MARCHF7: variants seen among roughly 807,000 people sequenced by gnomAD.
MARCHF7 encodes the protein membrane associated ring-CH-type finger 7.
In MARCHF7, 20 loss-of-function variants were observed where a neutral mutation model predicts 76.5. That is an observed-to-expected ratio of 0.26 (90% CI 0.18 to 0.38). The LOEUF is 0.38. Among genes scored for constraint, MARCHF7 ranks in the 10% least tolerant of loss-of-function variants. The pLI, the probability that MARCHF7 is intolerant of heterozygous loss-of-function variation, is 1.00. For missense variants in MARCHF7, 797 were observed against 812.9 expected (o/e 0.98, Z 0.24); for synonymous variants, 295 against 293.0 (o/e 1.01, Z -0.07).
At chr2:159,714,143 C>T (rs1700727276) in intron 1 of MARCHF7, among the ~76,000 whole-genome samples, 1 of 152,220 alleles carries the variant, frequency 6.6e-6, no homozygotes, top group Non-Finnish European at 1.5e-5. Flanking sequence ...GCTCCATACC[C>T]ACCTTACACA....
chr2:159,731,441 ATGT>A (rs971201004), intron 4 of MARCHF7, among the ~76,000 whole-genome samples: 7 of 151,992 alleles, frequency 4.6e-5, no homozygotes, highest in Non-Finnish European at 8.8e-5. Flanking sequence ...TAACTTGTTA[ATGT>A]TGTAGATTAT....
chr2:159,745,543 A>G (rs1704752782), intron 5 of MARCHF7, among the ~76,000 whole-genome samples: 1 of 152,048 alleles, frequency 6.6e-6, no homozygotes, highest in Non-Finnish European at 1.5e-5. Flanking sequence ...GTAGTCCCAG[A>G]TATTCAGGAG....
At chr2:159,724,085 G>C (rs528989776) in intron 3 of MARCHF7, among the ~76,000 whole-genome samples, 5 of 152,178 alleles carry the variant, frequency 3.3e-5, no homozygotes, top group Admixed American at 3.3e-4. Context: ...AGTGTTTTTG[G>C]TCGTTGTGTT....
At chr2:159,761,365 A>C (rs1401323842) in intron 9 of MARCHF7, among the ~76,000 whole-genome samples, 1 of 148,564 alleles carries the variant, frequency 6.7e-6, no homozygotes, top group Non-Finnish European at 1.5e-5. Context: ...ATATTATTTC[A>C]AGTTAAAAAT....
chr2:159,734,296 G>A (rs750952607), intron 4 of MARCHF7, among the ~76,000 whole-genome samples: 1 of 149,600 alleles, frequency 6.7e-6, no homozygotes, highest in African/African-American at 2.5e-5. Context: ...TTATAAGGTT[G>A]TAGGGGCTTT....
At chr2:159,713,079 G>T (rs1217373780) in intron 1 of MARCHF7, among the ~76,000 whole-genome samples, 2 of 152,216 alleles carry the variant, frequency 1.3e-5, no homozygotes, top group South Asian at 2.1e-4. Context: ...GGCTCGGCCA[G>T]CCCGGCCTCG....
At chr2:159,718,909 T>C (rs1341806736) in intron 3 of MARCHF7, among the ~76,000 whole-genome samples, 1 of 152,172 alleles carries the variant, frequency 6.6e-6, no homozygotes, top group Non-Finnish European at 1.5e-5. Context: ...TGTATGTAAC[T>C]GAAAAATATA....
chr2:159,739,473 G>A (rs886575758), intron 4 of MARCHF7, among the ~76,000 whole-genome samples: 1 of 152,282 alleles, frequency 6.6e-6, no homozygotes, highest in Middle Eastern at 3.4e-3. Flanking sequence ...GTTCATAACG[G>A]CATTGTTTAT....
At chr2:159,723,372 AATT>A (rs1193666736) in intron 3 of MARCHF7, among the ~76,000 whole-genome samples, 1 of 152,208 alleles carries the variant, frequency 6.6e-6, no homozygotes. Context: ...TACTATTAAT[AATT>A]ATTCTGGGAT....
At chr2:159,751,974 G>C (rs1012510641) in intron 7 of MARCHF7, among the ~76,000 whole-genome samples, 2 of 152,120 alleles carry the variant, frequency 1.3e-5, no homozygotes, top group Non-Finnish European at 2.9e-5. Context: ...GGGGAGGCAA[G>C]GGGCAAAAGT....
intron 3 of MARCHF7, 91 bp from the exon 4 acceptor site, chr2:159,728,918 T>A: frequency 2.8e-6 from 2 of 711,980 alleles, no homozygotes; most frequent in Non-Finnish European, 4.2e-6. Context: ...GTATGGTTAA[T>A]TTTTTATTTG....
At chr2:159,764,212 TTGTG>T (rs377705664) in intron 10 of MARCHF7, among the ~76,000 whole-genome samples, 10,415 of 138,480 alleles carry the variant, frequency 0.075, 424 homozygotes, top group Middle Eastern at 0.14. Context: ...CTTGGGAGTT[TTGTG>T]TGTGTGTGTG....
chr2:159,754,445 AT>A (rs1436763367), intron 8 of MARCHF7, among the ~76,000 whole-genome samples: 7 of 152,154 alleles, frequency 4.6e-5, no homozygotes. Context: ...CCTAAGCCTG[AT>A]TAGATTAGAC....
In MARCHF7 at chr2:159,748,657, G is replaced by T; in HGVS notation, c.1367G>T (p.Ser456Ile). The T allele has an allele frequency of 6.2e-7, 1 of 1,614,226 alleles. No homozygotes were observed. The highest frequency in any genetic ancestry group is 8.5e-7 in the Non-Finnish European group (1 of 1,180,036). ...NRPQASAASS[S>I]ATTGGSTSDS... is the part of the protein sequence containing the mutation. Reference sequence around the variant, plus strand: ...CCACAAGCATCTGCAGCATCAAGCAGTGCCACAACAGGTGGCTCTACATCA... The same window carrying T: ...CCACAAGCATCTGCAGCATCAAGCATTGCCACAACAGGTGGCTCTACATCA... Residue 456 changes from serine (S) to isoleucine (I), a missense_variant, in exon 7 of 12, where the codon AGT (serine) becomes ATT (isoleucine). Ser to Ile is a moderately radical substitution (Grantham distance 142, BLOSUM62 -2). This residue lies in a region of MARCHF7 where 643 missense variants were observed against 631.5 expected (regional missense o/e 1.02). Coordinates refer to ENST00000409175, the MANE Select transcript of MARCHF7 (RefSeq NM_001282805.2).
At position 159,748,540 on chromosome 2, in the gene MARCHF7, C is replaced by T. The variant is rs779923930; in HGVS notation, c.1250C>T (p.Thr417Ile). ...TCTTCAAGGATACCTACCTCTGATA[C>T]ATCATCTAGATCTCATATTTTTAGA... ...DESSRIPTSD[T>I]SSRSHIFRRE... Residue 417 changes from threonine to isoleucine, a missense_variant, in exon 7 of 12, where the codon ACA (threonine) becomes ATA (isoleucine). By Grantham distance (89) the Thr-to-Ile change is moderately conservative. Transcript: ENST00000409175. 4 of 1,614,176 alleles carry T rather than the reference C, an allele frequency of 2.5e-6. No individual in the cohort carries two copies. The highest frequency in any genetic ancestry group is 3.4e-6 in the Non-Finnish European group (4 of 1,180,014).
intron 4 of MARCHF7, among the ~76,000 whole-genome samples, chr2:159,731,740 G>A (rs62173028): frequency 0.075 from 11,264 of 151,060 alleles, 865 homozygotes; most frequent in African/African-American, 0.19. Flanking sequence ...GGCAATAAGA[G>A]TGAAACTCCG....
At position 159,748,136 on chromosome 2, in the gene MARCHF7, G is replaced by A. The variant is rs1705127029; in HGVS notation, c.846G>A (p.Leu282=). 6.2e-7 allele frequency: 1 copy of A among 1,613,816 alleles called. No homozygotes were observed. Among genetic ancestry groups the A allele is most frequent in the Admixed American group, 1.7e-5 (1 of 59,944 alleles). The part of the protein sequence containing the change: ...DNEGRRTTRR[L]LSRIASSMSS... The stretch of plus-strand genomic sequence containing the variant: ...AAGGTAGGCGGACAACGAGGAGATT[G>A]CTGTCACGCATAGCTTCTAGCATGT... The change falls in exon 7 of 12, where the codon TTG becomes TTA. Residue 282 remains leucine, a synonymous_variant. Transcript: ENST00000409175.
chr2:159,745,955 C>T lies in MARCHF7; in HGVS notation c.514+18C>T, dbSNP rs1292107489. 5 of 1,591,964 alleles carry T rather than the reference C, an allele frequency of 3.1e-6. No individual in the cohort carries two copies. Among genetic ancestry groups the T allele is most frequent in the Admixed American group, 1.7e-5 (1 of 57,186 alleles). On this transcript the variant is annotated intron_variant, in intron 6 of 11. Transcript: ENST00000409175. Reference sequence around the variant, plus strand: ...TTCATCATGTATGTATAAATTACATCAAGTATAACTTCTCATAATGTTCCA... The same window carrying T: ...TTCATCATGTATGTATAAATTACATTAAGTATAACTTCTCATAATGTTCCA...
Position 159,767,267 on chromosome 2 carries a change from C to G in MARCHF7, c.2057-17C>G. ...CCCCTTAAAATCATTCTTGATCATCCTGTTTTCTTTCAACAGCTTCAGAGG... is the reference window on the plus strand; with the variant it reads ...CCCCTTAAAATCATTCTTGATCATCGTGTTTTCTTTCAACAGCTTCAGAGG... On this transcript the variant is annotated splice_polypyrimidine_tract_variant and intron_variant, in intron 11 of 11. Coordinates refer to ENST00000409175, the MANE Select transcript of MARCHF7 (RefSeq NM_001282805.2). The G allele has an allele frequency of 6.3e-7, 1 of 1,594,286 alleles. No individual in the cohort carries two copies. The highest frequency in any genetic ancestry group is 8.6e-7 in the Non-Finnish European group (1 of 1,163,622).
Sources: gnomAD v4.1 joint callset for allele counts (sites outside exome capture counted in the v4.1 genomes callset) on GRCh38, gnomAD v4.1.1 for gene constraint, gnomAD v4.1.1 regional missense constraint, MANE v1.5 for transcripts, NCBI Gene and HGNC (gene_info 2026-07-23, HGNC 2026-07-21) for gene names.